GDAP2: variants seen among roughly 807,000 people sequenced by gnomAD.
GDAP2 encodes ganglioside-induced differentiation-associated protein 2.
In GDAP2, 51 loss-of-function variants were observed where a neutral mutation model predicts 67.0. The ratio of observed to expected loss-of-function variants is 0.76; its 90% CI spans 0.61 to 0.96. The LOEUF is 0.96. Among genes scored for constraint, GDAP2 ranks in the 40% least tolerant of loss-of-function variants. The pLI is 0.00. For synonymous variants in GDAP2, 203 were observed against 207.3 expected (o/e 0.98, Z 0.18); for missense variants, 547 against 588.3 (o/e 0.93, Z 0.73).
At chr1:117,906,905 C>T (rs1377453534) in intron 5 of GDAP2, among the ~76,000 whole-genome samples, 1 of 152,148 alleles carries the variant, frequency 6.6e-6, no homozygotes. Flanking sequence ...TTTCCAATGC[C>T]AAGAACAGTG....
chr1:117,911,666 G>C (rs563920450), intron 5 of GDAP2, among the ~76,000 whole-genome samples: 20 of 151,626 alleles, frequency 1.3e-4, no homozygotes, highest in African/African-American at 4.6e-4. Flanking sequence ...TAAATTGAGA[G>C]CTCTGCAACT....
At position 117,867,101 on chromosome 1, in the gene GDAP2, T is replaced by C. The variant is rs1648093935; in HGVS notation, c.*3468A>G. The C allele has an allele frequency of 6.6e-6, 1 of 152,170 alleles. No homozygotes were observed. Among genetic ancestry groups the C allele is most frequent in the African/African-American group, 2.4e-5 (1 of 41,444 alleles). 9.4% of individuals were successfully genotyped at this position (152,170 alleles called of 1,614,324 possible). On this transcript the variant is annotated 3_prime_UTR_variant, in exon 14 of 14. Transcript: ENST00000369443. ...TGTATCGGGGAAATACAAAGAGTGA[T>C]CTTTAGTTTATGCTGAATACTTAAT...
chr1:117,896,097 A>T (rs1035533622), intron 8 of GDAP2, among the ~76,000 whole-genome samples: 1 of 152,212 alleles, frequency 6.6e-6, no homozygotes, highest in South Asian at 2.1e-4. Flanking sequence ...GCAGTGAACA[A>T]TTTTAAGAGC....
In GDAP2 at chr1:117,887,688, T is replaced by G. The variant is rs1367040051; in HGVS notation, c.1030+10A>C. 2 of 1,362,264 alleles carry G rather than the reference T, an allele frequency of 1.5e-6. No individual in the cohort carries two copies. The highest frequency in any genetic ancestry group is 4.6e-5 in the East Asian group (2 of 43,658). The allele number at this position is 1,362,264 out of a possible 1,614,324, so 84.4% of individuals were successfully genotyped here. On this transcript the variant is annotated intron_variant, in intron 9 of 13. Transcript: ENST00000369443. ...AGTGAAAGAATAAGTTACCATATAT[T>G]TAAGCTCACCTGTTTGGTATAAGGC...
chr1:117,927,747 A>G (rs995202769), intron 1 of GDAP2, among the ~76,000 whole-genome samples: 1 of 152,248 alleles, frequency 6.6e-6, no homozygotes, highest in Non-Finnish European at 1.5e-5. Flanking sequence ...CAATAAATAC[A>G]GTATAACAAG....
At chr1:117,912,822 T>G in intron 3 of GDAP2, 139 bp from the exon 4 acceptor site, 1 of 694,530 alleles carries the variant, frequency 1.4e-6, no homozygotes, top group Non-Finnish European at 2.5e-6. Context: ...CAAGCATTTA[T>G]CTCTGTTACT....
intron 3 of GDAP2, among the ~76,000 whole-genome samples, chr1:117,917,719 A>C (rs1348861583): frequency 6.6e-6 from 1 of 152,100 alleles, no homozygotes; most frequent in Non-Finnish European, 1.5e-5. Context: ...ATTTGTGTTA[A>C]ATTTTCTTAT....
chr1:117,890,227 G>C (rs1009866427), intron 8 of GDAP2, among the ~76,000 whole-genome samples: 3 of 152,022 alleles, frequency 2.0e-5, no homozygotes, highest in Non-Finnish European at 2.9e-5. Context: ...GCAAATTCTA[G>C]ACATGTCGTA....
intron 8 of GDAP2, among the ~76,000 whole-genome samples, chr1:117,895,120 G>T (rs1294928156): frequency 6.6e-6 from 1 of 151,858 alleles, no homozygotes. Context: ...TAATATAATA[G>T]AATTAAAAAA....
intron 13 of GDAP2, among the ~76,000 whole-genome samples, chr1:117,871,980 T>C (rs934068583): frequency 2.0e-5 from 3 of 151,832 alleles, no homozygotes; most frequent in African/African-American, 4.8e-5. Flanking sequence ...ACAAGGAACT[T>C]AAGCAAATTT....
intron 13 of GDAP2, chr1:117,877,467 C>G: frequency 2.1e-6 from 2 of 972,938 alleles, no homozygotes; most frequent in Non-Finnish European, 2.4e-6. Flanking sequence ...ATGAAATTCA[C>G]GAGTAGTCCT....
At chr1:117,895,556 G>T (rs913244721) in intron 8 of GDAP2, among the ~76,000 whole-genome samples, 2 of 152,116 alleles carry the variant, frequency 1.3e-5, no homozygotes, top group African/African-American at 4.8e-5. Context: ...TACTAAAGAA[G>T]TCCCAGATCC....
intron 12 of GDAP2, among the ~76,000 whole-genome samples, chr1:117,879,469 G>C (rs192580189): frequency 6.6e-6 from 1 of 152,024 alleles, no homozygotes; most frequent in Non-Finnish European, 1.5e-5. Context: ...GCCTAAGAAT[G>C]ATAATGATGA....
chr1:117,893,165 G>C (rs1012396309), intron 8 of GDAP2, among the ~76,000 whole-genome samples: 4 of 152,086 alleles, frequency 2.6e-5, no homozygotes, highest in African/African-American at 4.8e-5. Flanking sequence ...TGACATAAGA[G>C]TCACAGGCAA....
chr1:117,878,145 G>T lies in GDAP2; in HGVS notation c.1310C>A (p.Thr437Lys). ...GACAGAAAAGGTGGTAAAAAACCAT[G>T]TTGACACCTGATTAATAGAAGAGAA... is the stretch of plus-strand genomic sequence containing the variant. Reference protein sequence around the residue: ...VHPTFRSKVSTWFFTTFSVSG... With the variant: ...VHPTFRSKVSKWFFTTFSVSG... Residue 437 changes from threonine (T) to lysine (K), a missense_variant, in exon 13 of 14, where the codon ACA (threonine) becomes AAA (lysine). Transcript: ENST00000369443. 6.4e-7 allele frequency: 1 copy of T among 1,553,134 alleles called. No homozygotes were observed. The highest frequency in any genetic ancestry group is 8.8e-7 in the Non-Finnish European group (1 of 1,135,912).
chr1:117,874,496 G>C (rs1050419148), intron 13 of GDAP2, among the ~76,000 whole-genome samples: 1 of 152,122 alleles, frequency 6.6e-6, no homozygotes, highest in Non-Finnish European at 1.5e-5. Context: ...AGAAATGTGA[G>C]CCAAATAAAC....
At chr1:117,893,914 T>C (rs1649171191) in intron 8 of GDAP2, among the ~76,000 whole-genome samples, 2 of 152,184 alleles carry the variant, frequency 1.3e-5, no homozygotes, top group African/African-American at 4.8e-5. Context: ...TATTCATTAA[T>C]TTAAAAACAA....
At chr1:117,902,352 G>T (rs1394023824) in intron 6 of GDAP2, among the ~76,000 whole-genome samples, 1 of 151,972 alleles carries the variant, frequency 6.6e-6, no homozygotes, top group African/African-American at 2.4e-5. Flanking sequence ...TGTGCTTTTG[G>T]TGCCATATCT....
intron 7 of GDAP2, among the ~76,000 whole-genome samples, chr1:117,897,261 T>TCA (rs1278103403): frequency 5.3e-5 from 8 of 152,174 alleles, no homozygotes; most frequent in Admixed American, 5.2e-4. Flanking sequence ...TAGAATGTAG[T>TCA]CACACACAAA....
Sources: gnomAD v4.1 joint callset for allele counts (sites outside exome capture counted in the v4.1 genomes callset) on GRCh38, gnomAD v4.1.1 for gene constraint, MANE v1.5 for transcripts, NCBI Gene and HGNC (gene_info 2026-07-23, HGNC 2026-07-21) for gene names.